AMACR: variants seen among roughly 807,000 people sequenced by gnomAD.
AMACR encodes 2-methylacyl-CoA racemase.
AMACR carries 18 observed loss-of-function variants against 22.2 expected under a neutral mutation model. The ratio of observed to expected loss-of-function variants is 0.81; its 90% CI spans 0.56 to 1.20. The LOEUF (loss-of-function observed/expected upper bound fraction) is 1.20, where lower values mean the gene tolerates loss of function less well. Ranked by LOEUF, AMACR falls within the 50% of genes most tolerant of loss-of-function variation. The pLI is 0.00. For missense variants in AMACR, 499 were observed against 490.6 expected (o/e 1.02, Z -0.16); for synonymous variants, 213 against 191.3 (o/e 1.11, Z -0.94).
intron 4 of AMACR, among the ~76,000 whole-genome samples, chr5:33,989,972 T>C (rs1310671109): frequency 6.6e-6 from 1 of 152,126 alleles, no homozygotes; most frequent in Non-Finnish European, 1.5e-5. Flanking sequence ...AGGATTGCAA[T>C]TTTTTAAATA....
rs1753330819 is a variant in AMACR, at chr5:33,987,507, T to A, written c.*1586A>T. The A allele has an allele frequency of 6.6e-6, 1 of 152,206 alleles. No homozygotes were observed. The highest frequency in any genetic ancestry group is 6.5e-5 in the Admixed American group (1 of 15,280). The allele number at this position is 152,206 out of a possible 1,614,324, so 9.4% of individuals were successfully genotyped here. A position where few individuals can be genotyped will look rare whatever the true frequency, so the allele number is the denominator to read the frequency against. ...TTTGAACACACAAACACAATGAAACTCAACATCTGTCAGACATCACGTGAA... is the reference window on the plus strand; with the variant it reads ...TTTGAACACACAAACACAATGAAACACAACATCTGTCAGACATCACGTGAA... On this transcript the variant is annotated 3_prime_UTR_variant, in exon 5 of 5. Transcript: ENST00000335606.
At chr5:33,991,846 T>G (rs1301641283) in intron 4 of AMACR, among the ~76,000 whole-genome samples, 1 of 151,936 alleles carries the variant, frequency 6.6e-6, no homozygotes, top group Non-Finnish European at 1.5e-5. Flanking sequence ...GTTCACGCCA[T>G]TCTTCCACCT....
chr5:33,998,806 T>G lies in AMACR; in HGVS notation c.574A>C (p.Ser192Arg). 1 of 1,614,086 alleles carries G rather than the reference T, an allele frequency of 6.2e-7. No individual in the cohort carries two copies. ...TTCTGAGTTTTCCACAGAAAAGAAC[T>G]TAAATATGCTGTTCCTTCCACCTTT... ...ANMVEGTAYL[S>R]SFLWKTQKLS... The change falls in exon 4 of 5, where the codon AGT becomes CGT. Residue 192 changes from serine (S) to arginine (R), a missense_variant. Coordinates refer to ENST00000335606, the MANE Select transcript of AMACR (RefSeq NM_014324.6).
At chr5:34,007,552 C>T (rs912346548) in intron 1 of AMACR, among the ~76,000 whole-genome samples, 1 of 152,150 alleles carries the variant, frequency 6.6e-6, no homozygotes, top group South Asian at 2.1e-4. Context: ...AAAGGAGAAA[C>T]CGGGCAACAG....
At chr5:33,995,840 G>A (rs1753616397) in intron 4 of AMACR, among the ~76,000 whole-genome samples, 1 of 152,202 alleles carries the variant, frequency 6.6e-6, no homozygotes, top group Non-Finnish European at 1.5e-5. Flanking sequence ...AAAGCTTGCA[G>A]CAAGCCAAGG....
At chr5:33,993,664 A>G (rs1753549603) in intron 4 of AMACR, among the ~76,000 whole-genome samples, 1 of 152,080 alleles carries the variant, frequency 6.6e-6, no homozygotes. Context: ...ATGGGAGGCT[A>G]AGTGGGGGCA....
intron 4 of AMACR, among the ~76,000 whole-genome samples, chr5:33,990,258 G>A (rs966624783): frequency 2.0e-5 from 3 of 152,210 alleles, no homozygotes; most frequent in Non-Finnish European, 4.4e-5. Flanking sequence ...AAAGACTCAA[G>A]CAAATTGTTC....
chr5:33,995,689 A>G (rs147652926), intron 4 of AMACR, among the ~76,000 whole-genome samples: 405 of 152,342 alleles, frequency 2.7e-3, no homozygotes, highest in African/African-American at 9.2e-3. Flanking sequence ...ACTACTGTAT[A>G]TGTTTTAAAA....
chr5:33,991,300 C>T (rs1473423486), intron 4 of AMACR, among the ~76,000 whole-genome samples: 4 of 152,190 alleles, frequency 2.6e-5, no homozygotes, highest in Non-Finnish European at 5.9e-5. Context: ...GCCCATGACC[C>T]TGACCAAGGC....
chr5:34,006,818 G>A (rs1385563525), intron 1 of AMACR, among the ~76,000 whole-genome samples: 1 of 152,180 alleles, frequency 6.6e-6, no homozygotes, highest in East Asian at 1.9e-4. Context: ...ACCATTTACC[G>A]ATTTCCCACT....
intron 1 of AMACR, among the ~76,000 whole-genome samples, chr5:34,007,496 T>C (rs1754019286): frequency 6.6e-6 from 1 of 151,960 alleles, no homozygotes; most frequent in Non-Finnish European, 1.5e-5. Context: ...ATACGGAACG[T>C]TTCTTAGAAA....
Position 34,005,901 on chromosome 5 carries a change from T to C in AMACR, c.248-2A>G. On this transcript the variant is annotated splice_acceptor_variant, in intron 1 of 4. Coordinates refer to ENST00000335606, the MANE Select transcript of AMACR (RefSeq NM_014324.6). LOFTEE classifies it high-confidence loss of function. ...CCAGCTGGAGTTTCTCCATGACACC[T>C]TAAGAGAAAAGTAACGATCTTCTTA... is the stretch of plus-strand genomic sequence containing the variant. The C allele has an allele frequency of 6.2e-7, 1 of 1,614,142 alleles. No individual in the cohort carries two copies. Among genetic ancestry groups the C allele is most frequent in the Non-Finnish European group, 8.5e-7 (1 of 1,180,034 alleles).
At chr5:34,004,951 C>T (rs191731114) in intron 2 of AMACR, among the ~76,000 whole-genome samples, 85 of 152,290 alleles carry the variant, frequency 5.6e-4, no homozygotes, top group Non-Finnish European at 9.4e-4. Context: ...CTCTCTAAAA[C>T]CTATTCCAAC....
At chr5:34,003,387 G>A (rs973957870) in intron 3 of AMACR, among the ~76,000 whole-genome samples, 8 of 152,098 alleles carry the variant, frequency 5.3e-5, no homozygotes, top group African/African-American at 7.2e-5. Context: ...CCCACTGTAC[G>A]CCAGGCACTG....
intron 3 of AMACR, among the ~76,000 whole-genome samples, chr5:34,003,733 C>T (rs1489958007): frequency 1.3e-5 from 2 of 152,218 alleles, no homozygotes; most frequent in Non-Finnish European, 2.9e-5. Context: ...AATGTCCCTT[C>T]AATGCAAACC....
In AMACR at chr5:33,989,005, T is replaced by C; in HGVS notation, c.*88A>G. On this transcript the variant is annotated 3_prime_UTR_variant, in exon 5 of 5. Transcript: ENST00000335606. ...GAGTGGTAGGACACTGTAATACTGT[T>C]CCTCCATGTTTCCATGCATACAATG... The C allele has an allele frequency of 6.3e-7, 1 of 1,587,102 alleles. No homozygotes were observed. The highest frequency in any genetic ancestry group is 1.1e-5 in the South Asian group (1 of 87,368).
Position 33,999,175 on chromosome 5 carries a change from A to T in AMACR, c.553-348T>A, listed in dbSNP as rs377305109. On this transcript the variant is annotated intron_variant, in intron 3 of 4. Coordinates refer to ENST00000335606, the MANE Select transcript of AMACR (RefSeq NM_014324.6). The stretch of plus-strand genomic sequence containing the variant: ...TTCTCTCTACTTTTTATAATGTTAA[A>T]AACTGCCAAGATAAAAAGTTAAAAA... Among the ~76,000 whole-genome samples, 88 of 152,350 alleles carry T rather than the reference A, an allele frequency of 5.8e-4. 1 individual carries two copies. Among genetic ancestry groups the T allele is most frequent in the African/African-American group, 1.9e-3 (79 of 41,588 alleles).
At chr5:33,995,646 G>T (rs1327188989) in intron 4 of AMACR, among the ~76,000 whole-genome samples, 1 of 152,162 alleles carries the variant, frequency 6.6e-6, no homozygotes, top group African/African-American at 2.4e-5. Flanking sequence ...CCCACTGGGG[G>T]TCTTGCAATG....
rs1375741709 is a variant in AMACR at position 33,988,214 on chromosome 5, C to T, written c.*879G>A. 7 of 1,158,714 alleles carry T rather than the reference C, an allele frequency of 6.0e-6. No individual in the cohort carries two copies. Among genetic ancestry groups the T allele is most frequent in the African/African-American group, 4.6e-5 (3 of 64,912 alleles). 71.8% of individuals were successfully genotyped at this position (1,158,714 alleles called of 1,614,324 possible). On this transcript the variant is annotated 3_prime_UTR_variant, in exon 5 of 5. Coordinates refer to ENST00000335606, the MANE Select transcript of AMACR (RefSeq NM_014324.6). ...AGGCTGGTTTTATGTAAAGACAATCCCGTCTTCTTTGTCAAAGACAGGTAT... is the reference window on the plus strand; with the variant it reads ...AGGCTGGTTTTATGTAAAGACAATCTCGTCTTCTTTGTCAAAGACAGGTAT...
Sources: gnomAD v4.1 joint callset for allele counts (sites outside exome capture counted in the v4.1 genomes callset) on GRCh38, gnomAD v4.1.1 for gene constraint, MANE v1.5 for transcripts, NCBI Gene and HGNC (gene_info 2026-07-23, HGNC 2026-07-21) for gene names.